FOCAD: variants seen among roughly 807,000 people sequenced by gnomAD.
The protein encoded by FOCAD is focadhesin.
Under a neutral mutation model 225.6 loss-of-function variants are expected in FOCAD, and 198 were observed. That is an observed-to-expected ratio of 0.88 (90% CI 0.78 to 0.99). The LOEUF (loss-of-function observed/expected upper bound fraction) is 0.99. Among genes scored for constraint, FOCAD ranks in the 50% least tolerant of loss-of-function variants. FOCAD has a pLI of 0.00. For missense variants in FOCAD, 2,713 were observed against 2,123.6 expected (o/e 1.28, Z -5.46); for synonymous variants, 897 against 755.0 (o/e 1.19, Z -3.08).
intron 24 of FOCAD, among the ~76,000 whole-genome samples, chr9:20,919,982 A>G (rs1008523464): frequency 1.3e-5 from 2 of 151,936 alleles, no homozygotes; most frequent in African/African-American, 2.4e-5. Context: ...TAAACTAAAG[A>G]GCTTCAGCAC....
At chr9:20,869,890 T>C (rs2131749628) in intron 18 of FOCAD, among the ~76,000 whole-genome samples, 1 of 152,314 alleles carries the variant, frequency 6.6e-6, no homozygotes, top group East Asian at 1.9e-4. Flanking sequence ...AGGGGACTTC[T>C]TTGAGGACAT....
intron 24 of FOCAD, among the ~76,000 whole-genome samples, chr9:20,923,295 A>G (rs1437456220): frequency 1.3e-5 from 2 of 152,204 alleles, no homozygotes; most frequent in Non-Finnish European, 2.9e-5. Context: ...TGTCTTAGTT[A>G]TGTCTTTACA....
chr9:20,808,026 G>A (rs868863965), intron 11 of FOCAD, among the ~76,000 whole-genome samples: 2 of 151,776 alleles, frequency 1.3e-5, no homozygotes, highest in African/African-American at 2.4e-5. Context: ...ATTCTAGGGC[G>A]ACAGAGTGAG....
At chr9:20,795,149 C>G (rs1455935173) in intron 11 of FOCAD, among the ~76,000 whole-genome samples, 1 of 152,074 alleles carries the variant, frequency 6.6e-6, no homozygotes, top group Admixed American at 6.6e-5. Flanking sequence ...AGAGTGAGAA[C>G]ATGATAGAGT....
chr9:20,857,271 T>G (rs922086687), intron 15 of FOCAD, among the ~76,000 whole-genome samples: 2 of 152,030 alleles, frequency 1.3e-5, no homozygotes, highest in Non-Finnish European at 2.9e-5. Flanking sequence ...TCATTTTCCT[T>G]CATCAATGTT....
chr9:20,814,707 A>G (rs1379515814), intron 11 of FOCAD, among the ~76,000 whole-genome samples: 1 of 152,048 alleles, frequency 6.6e-6, no homozygotes, highest in Non-Finnish European at 1.5e-5. Flanking sequence ...TATGGTTGCC[A>G]TGGGACTTAC....
chr9:20,917,078 G>A (rs1175161178), intron 24 of FOCAD, 141 bp downstream of exon 24: 6 of 635,414 alleles, frequency 9.4e-6, no homozygotes, highest in Non-Finnish European at 1.6e-5. Flanking sequence ...AAAATTAATC[G>A]TTACCCTTCT....
Position 20,986,110 on chromosome 9 carries a change from A to G in FOCAD, c.4729-178A>G, listed in dbSNP as rs146315712. Among the ~76,000 whole-genome samples the G allele has an allele frequency of 5.7e-3, 873 of 151,964 alleles. 7 individuals carry two copies. The highest frequency in any genetic ancestry group is 0.021 in the Middle Eastern group (6 of 292). ...TGAAGGAGCAGGAGATGGCATTACA[A>G]CCCTCTATTGTATGCTCATGTTAAT... On this transcript the variant is annotated intron_variant, in intron 39 of 43. Transcript: ENST00000338382.
At chr9:20,781,655 T>G in intron 9 of FOCAD, 72 bp from the exon 10 acceptor site, 1 of 1,405,830 alleles carries the variant, frequency 7.1e-7, no homozygotes, top group East Asian at 2.3e-5. Flanking sequence ...CATATCATTC[T>G]TAAGCAAAAT....
chr9:20,752,818 A>G (rs1380030444), intron 5 of FOCAD, among the ~76,000 whole-genome samples: 2 of 151,828 alleles, frequency 1.3e-5, no homozygotes, highest in Admixed American at 6.6e-5. Context: ...ATTTGTTTGT[A>G]TCCTCTTTTA....
At chr9:20,916,996 A>G (rs943818727) in intron 24 of FOCAD, 59 bp downstream of exon 24, 3 of 1,370,634 alleles carry the variant, frequency 2.2e-6, no homozygotes, top group Non-Finnish European at 1.0e-6. Flanking sequence ...CCTGGCAGGT[A>G]CATACATTTT....
chr9:20,874,838 C>T, intron 19 of FOCAD, 31 bp downstream of exon 19: 2 of 1,612,774 alleles, frequency 1.2e-6, no homozygotes, highest in Non-Finnish European at 1.7e-6. Flanking sequence ...GAGAAGCTAG[C>T]ATTTTTTAGT....
At chr9:20,959,681 C>A (rs1052673669) in intron 35 of FOCAD, among the ~76,000 whole-genome samples, 1 of 151,890 alleles carries the variant, frequency 6.6e-6, no homozygotes. Context: ...ACATTTATGT[C>A]TTTGATGCAT....
At chr9:20,984,871 A>C (rs1431043748) in intron 39 of FOCAD, among the ~76,000 whole-genome samples, 1 of 152,130 alleles carries the variant, frequency 6.6e-6, no homozygotes, top group Non-Finnish European at 1.5e-5. Flanking sequence ...CATGATCTCA[A>C]CTCACTGCAA....
intron 1 of FOCAD, among the ~76,000 whole-genome samples, chr9:20,695,187 A>C (rs951080670): frequency 6.6e-6 from 1 of 152,004 alleles, no homozygotes; most frequent in African/African-American, 2.4e-5. Flanking sequence ...TGTGTATATT[A>C]GTGGCAAATT....
intron 25 of FOCAD, among the ~76,000 whole-genome samples, chr9:20,924,725 T>C (rs1834781653): frequency 6.6e-6 from 1 of 152,126 alleles, no homozygotes; most frequent in Non-Finnish European, 1.5e-5. Context: ...AGGAAGTATA[T>C]GGAATCTAGA....
At chr9:20,756,328 C>A (rs1013456435) in intron 5 of FOCAD, among the ~76,000 whole-genome samples, 1 of 152,100 alleles carries the variant, frequency 6.6e-6, no homozygotes, top group African/African-American at 2.4e-5. Context: ...GTTATACCCA[C>A]AAACTGTGTG....
At chr9:20,936,393 C>G (rs1030198607) in intron 28 of FOCAD, among the ~76,000 whole-genome samples, 3 of 152,126 alleles carry the variant, frequency 2.0e-5, no homozygotes, top group Non-Finnish European at 2.9e-5. Context: ...AGGGTTTCAT[C>G]AGGAATAAAT....
intron 1 of FOCAD, among the ~76,000 whole-genome samples, chr9:20,684,884 A>C (rs1822567555): frequency 6.6e-6 from 1 of 152,218 alleles, no homozygotes; most frequent in African/African-American, 2.4e-5. Flanking sequence ...TTACTTGAAG[A>C]AAGAGTATGT....
Sources: gnomAD v4.1 joint callset for allele counts (sites outside exome capture counted in the v4.1 genomes callset) on GRCh38, gnomAD v4.1.1 for gene constraint, MANE v1.5 for transcripts, NCBI Gene and HGNC (gene_info 2026-07-23, HGNC 2026-07-21) for gene names.